The following ETFDH variants were observed in gnomAD, a reference collection of about 807,000 sequenced individuals.
ETFDH encodes electron transfer flavoprotein-ubiquinone oxidoreductase, mitochondrial.
In ETFDH, 61 loss-of-function variants were observed where a neutral mutation model predicts 73.2. The ratio of observed to expected loss-of-function variants is 0.83; its 90% CI spans 0.68 to 1.03. ETFDH has a LOEUF of 1.03. Among genes scored for constraint, ETFDH ranks in the 50% least tolerant of loss-of-function variants. The pLI is 0.00. For missense variants in ETFDH, 685 were observed against 745.0 expected, an observed-to-expected ratio of 0.92 and a Z score of 0.94; for synonymous variants, 243 against 253.3, an observed-to-expected ratio of 0.96 and a Z score of 0.39.
At chr4:158,697,785 A>G in intron 8 of ETFDH, 86 bp downstream of exon 8, 1 of 1,235,632 alleles carries the variant, frequency 8.1e-7, no homozygotes, top group Non-Finnish European at 1.2e-6. Context: ...GAATCTGAAG[A>G]CTGTAAAATG....
chr4:158,699,013 C>T lies in ETFDH; in HGVS notation c.999C>T (p.Tyr333=). 1 of 1,609,414 alleles carries T rather than the reference C, an allele frequency of 6.2e-7. No homozygotes were observed. The highest frequency in any genetic ancestry group is 8.5e-7 in the Non-Finnish European group (1 of 1,175,714). ...LVVGLDYQNP[Y]LSPFREFQRW... ...TTGGTCTAGACTATCAGAATCCATACCTGAGTCCATTTAGAGAGTTCCAAA... is the reference window on the plus strand; with the variant it reads ...TTGGTCTAGACTATCAGAATCCATATCTGAGTCCATTTAGAGAGTTCCAAA... Residue 333 remains tyrosine, a synonymous_variant, in exon 9 of 13, where the codon TAC becomes TAT. Transcript: ENST00000511912.
chr4:158,699,009 C>T lies in ETFDH; in HGVS notation c.995C>T (p.Pro332Leu), dbSNP rs747504613. The T allele has an allele frequency of 3.1e-6, 5 of 1,608,464 alleles. No homozygotes were observed. Among genetic ancestry groups the T allele is most frequent in the Non-Finnish European group, 4.3e-6 (5 of 1,174,854 alleles). Residue 332 changes from proline (P) to leucine (L), a missense_variant, in exon 9 of 13, where the codon CCA (proline) becomes CTA (leucine). Coordinates refer to ENST00000511912, the MANE Select transcript of ETFDH (RefSeq NM_004453.4). The part of the protein sequence containing the change: ...GLVVGLDYQN[P>L]YLSPFREFQR... Reference sequence around the variant, plus strand: ...AAGGTTGGTCTAGACTATCAGAATCCATACCTGAGTCCATTTAGAGAGTTC... The same window carrying T: ...AAGGTTGGTCTAGACTATCAGAATCTATACCTGAGTCCATTTAGAGAGTTC...
intron 12 of ETFDH, 33 bp from the exon 13 acceptor site, chr4:158,708,330 AG>A: frequency 6.5e-7 from 1 of 1,535,020 alleles, no homozygotes; most frequent in Non-Finnish European, 9.0e-7. Context: ...TTTTAAAGTT[AG>A]GCACTTCAAT....
chr4:158,702,581 C>T (rs1774493102), intron 9 of ETFDH, among the ~76,000 whole-genome samples: 2 of 151,954 alleles, frequency 1.3e-5, no homozygotes, highest in African/African-American at 4.8e-5. Flanking sequence ...GTTTCTCTTT[C>T]TGTGCTTGAC....
At chr4:158,707,062 T>C (rs1774644157) in intron 12 of ETFDH, among the ~76,000 whole-genome samples, 1 of 151,704 alleles carries the variant, frequency 6.6e-6, no homozygotes, top group African/African-American at 2.4e-5. Flanking sequence ...AAGCCCTTTG[T>C]CTACACTCAG....
intron 7 of ETFDH, 26 bp downstream of exon 7, chr4:158,695,669 T>G: frequency 6.5e-7 from 1 of 1,538,200 alleles, no homozygotes; most frequent in Non-Finnish European, 9.0e-7. Context: ...TCTGTAATTT[T>G]AATTTTGAAA....
intron 1 of ETFDH, among the ~76,000 whole-genome samples, chr4:158,677,560 T>C (rs565431890): frequency 7.2e-5 from 11 of 152,324 alleles, no homozygotes; most frequent in Admixed American, 3.3e-4. Context: ...AGAGACAGCT[T>C]TGCAGGGCCA....
Position 158,689,640 on chromosome 4 carries a change from TG to T in ETFDH, c.607-701del, listed in dbSNP as rs1343881249. ...TATATATATATATATATATATATTG[TG>T]GGGGGGTGGGTTCATATCCATTGCT... On this transcript the variant is annotated intron_variant, in intron 5 of 12. Transcript: ENST00000511912. Among the ~76,000 whole-genome samples, 2 of 86,206 alleles carry T rather than the reference TG, an allele frequency of 2.3e-5. 1 individual carries two copies. Among genetic ancestry groups the T allele is most frequent in the South Asian group, 8.3e-4 (2 of 2,418 alleles). 56.6% of individuals were successfully genotyped at this position (86,206 alleles called of 152,430 possible). A position where few individuals can be genotyped will look rare whatever the true frequency, so the allele number is the denominator to read the frequency against.
intron 6 of ETFDH, among the ~76,000 whole-genome samples, chr4:158,690,879 A>AAAAT (rs577737808): frequency 3.1e-4 from 47 of 151,964 alleles, no homozygotes; most frequent in African/African-American, 4.6e-4. Flanking sequence ...ACCTGGTCTC[A>AAAAT]AAATAAATAA....
intron 9 of ETFDH, among the ~76,000 whole-genome samples, chr4:158,703,139 CAT>C (rs1418792196): frequency 5.3e-5 from 8 of 152,084 alleles, no homozygotes; most frequent in African/African-American, 1.9e-4. Context: ...CTATTTAAAA[CAT>C]ATTGATGCTT....
chr4:158,672,739 A>G (rs1773608137), intron 1 of ETFDH, among the ~76,000 whole-genome samples: 1 of 152,072 alleles, frequency 6.6e-6, no homozygotes, highest in Non-Finnish European at 1.5e-5. Context: ...CGCCCTCGGC[A>G]TCACCACCAC....
At position 158,696,451 on chromosome 4, in the gene ETFDH, A is replaced by G. The variant is rs577925767; in HGVS notation, c.831+808A>G. 3.1e-3 allele frequency among the ~76,000 whole-genome samples: 466 copies of G among 152,192 alleles called. 1 individual carries two copies. Among genetic ancestry groups the G allele is most frequent in the Non-Finnish European group, 4.0e-3 (274 of 68,012 alleles). On this transcript the variant is annotated intron_variant, in intron 7 of 12. Coordinates refer to ENST00000511912, the MANE Select transcript of ETFDH (RefSeq NM_004453.4). ...ACTCCAAGAGATCAAGACTGCAGTG[A>G]CCTGTGATCATACCACTGCACCCTA...
Position 158,680,452 on chromosome 4 carries a change from G to C in ETFDH, c.35-15G>C. Reference sequence around the variant, plus strand: ...AATTTTAAGGAAGATAATAATTTTCGTAATTTTTGTGCAGCATATCAGTGC... The same window carrying C: ...AATTTTAAGGAAGATAATAATTTTCCTAATTTTTGTGCAGCATATCAGTGC... On this transcript the variant is annotated splice_polypyrimidine_tract_variant and intron_variant, in intron 1 of 12. Transcript: ENST00000511912. 1 of 1,590,796 alleles carries C rather than the reference G, an allele frequency of 6.3e-7. No individual in the cohort carries two copies. The highest frequency in any genetic ancestry group is 2.2e-5 in the East Asian group (1 of 44,612).
At chr4:158,678,049 A>G (rs1195998549) in intron 1 of ETFDH, among the ~76,000 whole-genome samples, 1 of 152,256 alleles carries the variant, frequency 6.6e-6, no homozygotes, top group Non-Finnish European at 1.5e-5. Context: ...ATTTACAGAT[A>G]AGTTGCAAAA....
At chr4:158,700,946 C>T (rs571457236) in intron 9 of ETFDH, 5 of 152,284 alleles carry the variant, frequency 3.3e-5, no homozygotes, top group Admixed American at 2.0e-4. Context: ...GGCAACAATT[C>T]GAAACATTCA....
chr4:158,692,847 G>A (rs1481609366), intron 6 of ETFDH, among the ~76,000 whole-genome samples: 8 of 132,396 alleles, frequency 6.0e-5, no homozygotes, highest in Non-Finnish European at 1.2e-4. Context: ...ACGACAGAGT[G>A]AGACTCCATC....
At chr4:158,678,525 A>T (rs1457558572) in intron 1 of ETFDH, among the ~76,000 whole-genome samples, 1 of 152,112 alleles carries the variant, frequency 6.6e-6, no homozygotes, top group South Asian at 2.1e-4. Context: ...GATATCTGCC[A>T]TATTTCTCTA....
intron 8 of ETFDH, 26 bp from the exon 9 acceptor site, chr4:158,698,961 A>C: frequency 6.8e-7 from 1 of 1,469,642 alleles, no homozygotes; most frequent in South Asian, 1.2e-5. Context: ...AAAATGTCTA[A>C]TTAAATATAA....
intron 10 of ETFDH, among the ~76,000 whole-genome samples, chr4:158,705,113 CAT>C (rs1272291675): frequency 6.6e-6 from 1 of 152,172 alleles, no homozygotes; most frequent in East Asian, 1.9e-4. Context: ...AAAAAGTAGT[CAT>C]GTGGAGTCCA....
Sources: gnomAD v4.1 joint callset for allele counts (sites outside exome capture counted in the v4.1 genomes callset) on GRCh38, gnomAD v4.1.1 for gene constraint, MANE v1.5 for transcripts, NCBI Gene and HGNC (gene_info 2026-07-23, HGNC 2026-07-21) for gene names.